The following DPY19L1 variants were observed in gnomAD, a reference collection of about 807,000 sequenced individuals.
DPY19L1 encodes the protein protein C-mannosyl-transferase DPY19L1.
A neutral mutation model predicts 96.9 loss-of-function variants in DPY19L1; 35 were observed. The ratio of observed to expected loss-of-function variants is 0.36; its 90% CI spans 0.28 to 0.48. The LOEUF is 0.48. DPY19L1 is among the 20% of genes least tolerant of loss of function. The pLI is 0.99. For synonymous variants in DPY19L1, 205 were observed against 252.6 expected (o/e 0.81, Z 1.79); for missense variants, 521 against 777.9 (o/e 0.67, Z 3.93).
intron 7 of DPY19L1, among the ~76,000 whole-genome samples, chr7:34,978,279 G>A (rs2128669704): frequency 6.6e-6 from 1 of 152,158 alleles, no homozygotes; most frequent in Admixed American, 6.5e-5. Flanking sequence ...ATCCTAACTT[G>A]TTACTATAAT....
At chr7:35,004,592 T>C (rs1024781229) in intron 6 of DPY19L1, among the ~76,000 whole-genome samples, 14 of 152,216 alleles carry the variant, frequency 9.2e-5, no homozygotes, top group Admixed American at 3.9e-4. Context: ...TTTACTAATC[T>C]TTAAACATGT....
At chr7:35,019,358 G>A (rs992878910) in intron 1 of DPY19L1, among the ~76,000 whole-genome samples, 1 of 152,138 alleles carries the variant, frequency 6.6e-6, no homozygotes, top group African/African-American at 2.4e-5. Context: ...GCATCATCTC[G>A]AGCCCAGGAA....
At chr7:35,019,449 T>A (rs1179118441) in intron 1 of DPY19L1, among the ~76,000 whole-genome samples, 4 of 150,674 alleles carry the variant, frequency 2.7e-5, no homozygotes. Context: ...TGAGACTCTG[T>A]TTCTCAAAAA....
At chr7:35,032,014 T>C (rs1786271881) in intron 1 of DPY19L1, among the ~76,000 whole-genome samples, 1 of 152,232 alleles carries the variant, frequency 6.6e-6, no homozygotes, top group African/African-American at 2.4e-5. Context: ...TGTGTCCCTG[T>C]GCCTCATGCT....
At chr7:35,005,857 G>A (rs1486227846) in intron 6 of DPY19L1, among the ~76,000 whole-genome samples, 3 of 151,960 alleles carry the variant, frequency 2.0e-5, no homozygotes, top group Non-Finnish European at 4.4e-5. Flanking sequence ...GAGAGAGAAG[G>A]TAAGGGATGA....
chr7:34,976,757 C>G (rs2061075655), intron 7 of DPY19L1, among the ~76,000 whole-genome samples: 1 of 152,184 alleles, frequency 6.6e-6, no homozygotes, highest in African/African-American at 2.4e-5. Context: ...ATCTGAACAA[C>G]TTGCTGAAGG....
intron 7 of DPY19L1, among the ~76,000 whole-genome samples, chr7:34,977,461 C>T (rs1293385580): frequency 1.3e-5 from 2 of 152,142 alleles, no homozygotes; most frequent in East Asian, 1.9e-4. Flanking sequence ...CCTCTGAAAG[C>T]AGGGACAAGA....
At chr7:35,002,318 C>T (rs1444795636) in intron 6 of DPY19L1, among the ~76,000 whole-genome samples, 3 of 151,540 alleles carry the variant, frequency 2.0e-5, no homozygotes, top group African/African-American at 7.3e-5. Context: ...AACAAAACTT[C>T]TTGGAAATTA....
intron 6 of DPY19L1, among the ~76,000 whole-genome samples, chr7:35,004,289 T>C (rs1288980693): frequency 6.6e-6 from 1 of 152,186 alleles, no homozygotes; most frequent in Non-Finnish European, 1.5e-5. Flanking sequence ...AGAAATTCTC[T>C]TCTTCTGGGA....
chr7:34,989,415 G>C (rs1325731910), intron 7 of DPY19L1, among the ~76,000 whole-genome samples: 1 of 152,028 alleles, frequency 6.6e-6, no homozygotes, highest in Non-Finnish European at 1.5e-5. Context: ...AGGAATTCAA[G>C]ACCAGCCTGG....
At position 35,024,520 on chromosome 7, in the gene DPY19L1, C is replaced by T. The variant is rs558665394; in HGVS notation, c.299-5924G>A. ...GTGAAGTCAATTTCGAAACATACAC[C>T]TCTAAGCATCACATCCCCTTGCTTG... On this transcript the variant is annotated intron_variant, in intron 1 of 21. Transcript: ENST00000638088. 6.6e-5 allele frequency among the ~76,000 whole-genome samples: 10 copies of T among 152,264 alleles called. No individual in the cohort carries two copies. The East Asian group carries it at 1.5e-3, about 24-fold the overall frequency.
At chr7:35,004,771 T>G (rs1459997215) in intron 6 of DPY19L1, among the ~76,000 whole-genome samples, 1 of 152,156 alleles carries the variant, frequency 6.6e-6, no homozygotes, top group Non-Finnish European at 1.5e-5. Context: ...CAATATAAAC[T>G]GAAGGGATAA....
chr7:34,966,421 C>T (rs188147945), intron 10 of DPY19L1, among the ~76,000 whole-genome samples: 1 of 152,182 alleles, frequency 6.6e-6, no homozygotes, highest in Admixed American at 6.5e-5. Flanking sequence ...CATCAACTTC[C>T]TAAGTAGCTA....
At chr7:35,010,434 T>A (rs1785679068) in intron 6 of DPY19L1, 34 bp downstream of exon 6, 1 of 1,201,254 alleles carries the variant, frequency 8.3e-7, no homozygotes, top group Non-Finnish European at 1.2e-6. Context: ...TTTATTTTAG[T>A]ATATCTTATA....
chr7:35,031,261 A>G (rs1786253507), intron 1 of DPY19L1, among the ~76,000 whole-genome samples: 1 of 152,234 alleles, frequency 6.6e-6, no homozygotes. Context: ...TGCAGATATT[A>G]TTCCCTAAAC....
chr7:34,954,875 A>G (rs928483484), intron 12 of DPY19L1, 97 bp from the exon 13 acceptor site: 8 of 552,326 alleles, frequency 1.4e-5, no homozygotes, highest in Non-Finnish European at 2.2e-5. Context: ...CATGAAATAC[A>G]TATTACTATC....
intron 7 of DPY19L1, among the ~76,000 whole-genome samples, chr7:34,976,893 C>T (rs1015908480): frequency 6.6e-6 from 1 of 152,138 alleles, no homozygotes; most frequent in African/African-American, 2.4e-5. Context: ...AAGCGATTCT[C>T]CTGCCTCAGC....
intron 21 of DPY19L1, among the ~76,000 whole-genome samples, chr7:34,933,886 A>G (rs2128779668): frequency 6.6e-6 from 1 of 152,328 alleles, no homozygotes; most frequent in East Asian, 1.9e-4. Flanking sequence ...CTCAGCTTGC[A>G]GATGGCCTAT....
chr7:34,997,158 T>C (rs182349895), intron 6 of DPY19L1, among the ~76,000 whole-genome samples: 2 of 152,150 alleles, frequency 1.3e-5, no homozygotes, highest in Admixed American at 6.5e-5. Context: ...GGAGAAAAGA[T>C]GCCAATATTG....
Sources: gnomAD v4.1 joint callset for allele counts (sites outside exome capture counted in the v4.1 genomes callset) on GRCh38, gnomAD v4.1.1 for gene constraint, MANE v1.5 for transcripts, NCBI Gene and HGNC (gene_info 2026-07-23, HGNC 2026-07-21) for gene names.